COL4A1: variants seen among roughly 807,000 people sequenced by gnomAD.
COL4A1 encodes collagen type IV alpha 1 chain, also known as collagen alpha-1(IV) chain.
In COL4A1, 40 loss-of-function variants were observed where a neutral mutation model predicts 216.6. The observed-to-expected ratio is 0.18, with a 90% CI of 0.14 to 0.24. The LOEUF (loss-of-function observed/expected upper bound fraction) is 0.24, where lower values mean the gene tolerates loss of function less well. COL4A1 is among the 10% of genes least tolerant of loss of function. COL4A1 has a pLI of 1.00. For missense variants in COL4A1, 1,628 were observed against 2,196.8 expected, an observed-to-expected ratio of 0.74 and a Z score of 5.18; for synonymous variants, 839 against 810.7, an observed-to-expected ratio of 1.03 and a Z score of -0.59.
chr13:110,275,917 G>A (rs1292434516), intron 1 of COL4A1, among the ~76,000 whole-genome samples: 1 of 152,166 alleles, frequency 6.6e-6, no homozygotes, highest in Non-Finnish European at 1.5e-5. Flanking sequence ...AGGGGGTAGG[G>A]ATGAATAGGC....
intron 1 of COL4A1, among the ~76,000 whole-genome samples, chr13:110,255,025 G>C (rs537748996): frequency 5.9e-5 from 9 of 152,192 alleles, no homozygotes; most frequent in African/African-American, 2.2e-4. Flanking sequence ...CCCCTACCAC[G>C]CTAAGCCCAT....
In COL4A1 at chr13:110,167,208, A is replaced by T; in HGVS notation, c.3899T>A (p.Ile1300Asn). 1.2e-6 allele frequency: 2 copies of T among 1,614,004 alleles called. No individual in the cohort carries two copies. The highest frequency in any genetic ancestry group is 1.7e-6 in the Non-Finnish European group (2 of 1,179,910). ...CCCCATATCACCCTTAGAGCCTGTG[A>T]TTCCTGGAGAGCCACCAATACCCTA... ...GMPGIGGSPG[I>N]TGSKGDMGPP... Residue 1300 changes from isoleucine to asparagine, a missense_variant, in exon 44 of 52, where the codon ATC (isoleucine) becomes AAC (asparagine). Physicochemically the swap from Ile to Asn is moderately radical, Grantham distance 149. This residue lies in a region of COL4A1 where 345 missense variants were observed against 476.9 expected (regional missense o/e 0.72). Transcript: ENST00000375820.
At chr13:110,176,393 G>A in intron 36 of COL4A1, 31 bp downstream of exon 36, 2 of 1,464,024 alleles carry the variant, frequency 1.4e-6, no homozygotes, top group South Asian at 2.3e-5. Flanking sequence ...ACGCACACAT[G>A]CTAAAGAATC....
intron 1 of COL4A1, among the ~76,000 whole-genome samples, chr13:110,267,629 C>T (rs492560): frequency 0.62 from 94,313 of 151,918 alleles, 30,174 homozygotes; most frequent in East Asian, 0.95. Flanking sequence ...TTCAGTGACA[C>T]GAGTGTAAGA....
At position 110,186,388 on chromosome 13, in the gene COL4A1, G is replaced by A; in HGVS notation, c.1894C>T (p.Pro632Ser). The A allele has an allele frequency of 1.9e-6, 3 of 1,613,154 alleles. No homozygotes were observed. Among genetic ancestry groups the A allele is most frequent in the South Asian group, 1.1e-5 (1 of 91,040 alleles). ...TCACGAGTTTCTCAGGCCTCACCTG[G>A]CAGGCCTGGGGATCCAGGGCCTCCA... ...FPGGPGSPGL[P>S]GPKGEPGKIV... The change falls in exon 26 of 52, where the codon CCA becomes TCA. Residue 632 changes from proline to serine, a missense_variant. Coordinates refer to ENST00000375820, the MANE Select transcript of COL4A1 (RefSeq NM_001845.6).
chr13:110,246,060 A>T (rs1239491475), intron 1 of COL4A1, among the ~76,000 whole-genome samples: 1 of 152,134 alleles, frequency 6.6e-6, no homozygotes, highest in African/African-American at 2.4e-5. Flanking sequence ...AATTAGGGTT[A>T]GCTTTTCAGA....
At chr13:110,192,448 A>G (rs1257232399) in intron 23 of COL4A1, among the ~76,000 whole-genome samples, 164 bp from the exon 24 acceptor site, 2 of 152,208 alleles carry the variant, frequency 1.3e-5, no homozygotes, top group Non-Finnish European at 2.9e-5. Flanking sequence ...GGACTCAGAA[A>G]GGGAATAGGT....
chr13:110,201,760 G>A, intron 18 of COL4A1: 2 of 667,640 alleles, frequency 3.0e-6, no homozygotes, highest in Admixed American at 3.6e-5. Flanking sequence ...GAGGCAGGTG[G>A]ATCACAAGGT....
chr13:110,301,723 C>T (rs1309112735), intron 1 of COL4A1, among the ~76,000 whole-genome samples: 1 of 152,204 alleles, frequency 6.6e-6, no homozygotes, highest in Non-Finnish European at 1.5e-5. Flanking sequence ...GAGGACACTG[C>T]AGGCCGGGGA....
intron 1 of COL4A1, among the ~76,000 whole-genome samples, chr13:110,305,261 G>A (rs1236946506): frequency 2.2e-4 from 34 of 152,172 alleles, no homozygotes; most frequent in Non-Finnish European, 2.2e-4. Flanking sequence ...GACAGTGGCC[G>A]GGAATGTAAT....
intron 5 of COL4A1, 30 bp downstream of exon 5, chr13:110,212,544 A>G (rs1566378918): frequency 6.2e-7 from 1 of 1,614,230 alleles, no homozygotes; most frequent in Admixed American, 1.7e-5. Flanking sequence ...ATATTTCATA[A>G]AAGAAGTAGA....
intron 43 of COL4A1, 64 bp from the exon 44 acceptor site, chr13:110,167,294 C>T (rs563969081): frequency 1.6e-6 from 2 of 1,253,824 alleles, no homozygotes; most frequent in Non-Finnish European, 2.3e-6. Flanking sequence ...CTCCAGTAAC[C>T]TGCTAGTTGG....
Position 110,177,930 on chromosome 13 carries a change from A to T in COL4A1, c.2628T>A (p.Gly876=), listed in dbSNP as rs1275157721. Residue 876 remains glycine, a splice_region_variant and synonymous_variant, in exon 33 of 52, where the codon GGT becomes GGA. Transcript: ENST00000375820. ...QGAPGIPGFP[G]SKGEMGVMGT... is the part of the protein sequence containing the mutation. The stretch of plus-strand genomic sequence containing the variant: ...CCATGACGCCCATTTCTCCCTTGGA[A>T]CCTGTGGCCAAAGGAAAGGACTGTG... The T allele has an allele frequency of 7.4e-6, 12 of 1,613,982 alleles. No homozygotes were observed. Among genetic ancestry groups the T allele is most frequent in the Non-Finnish European group, 9.3e-6 (11 of 1,180,008 alleles).
At chr13:110,196,176 T>A (rs1878880880) in intron 21 of COL4A1, among the ~76,000 whole-genome samples, 1 of 152,176 alleles carries the variant, frequency 6.6e-6, no homozygotes, top group Admixed American at 6.5e-5. Context: ...GCTTTGCTTG[T>A]TGCTTATGTG....
In COL4A1 at chr13:110,174,718, C is replaced by T. The variant is rs1177433437; in HGVS notation, c.3230G>A (p.Ser1077Asn). 4 of 1,613,216 alleles carry T rather than the reference C, an allele frequency of 2.5e-6. No homozygotes were observed. The highest frequency in any genetic ancestry group is 3.4e-6 in the Non-Finnish European group (4 of 1,179,298). Reference protein sequence around the residue: ...GDQGIAGFPGSPGEKGEKGSI... With the variant: ...GDQGIAGFPGNPGEKGEKGSI... ...TCCTTTTTCTCCCTTCTCTCCAGGG[C>T]TTCCTGGGAAACCCGCTATCCCTTG... Residue 1077 changes from serine to asparagine, a missense_variant, in exon 38 of 52, where the codon AGC (serine) becomes AAC (asparagine). Physicochemically the swap from Ser to Asn is conservative, Grantham distance 46 (BLOSUM62 1). Coordinates refer to ENST00000375820, the MANE Select transcript of COL4A1 (RefSeq NM_001845.6).
At chr13:110,252,104 AC>A (rs1882096722) in intron 1 of COL4A1, among the ~76,000 whole-genome samples, 1 of 151,538 alleles carries the variant, frequency 6.6e-6, no homozygotes, top group Admixed American at 6.6e-5. Context: ...ACTCACTGCA[AC>A]CTCCCTCTCC....
chr13:110,149,871 T>C lies in COL4A1; in HGVS notation c.*492A>G, dbSNP rs1450512110. ...GAAGATATGGCTACTGAGTCTGTAA[T>C]TCCATTTGGAGGTTCAAAAAACCAT... is the stretch of plus-strand genomic sequence containing the variant. On this transcript the variant is annotated 3_prime_UTR_variant, in exon 52 of 52. Coordinates refer to ENST00000375820, the MANE Select transcript of COL4A1 (RefSeq NM_001845.6). 2 of 184,166 alleles carry C rather than the reference T, an allele frequency of 1.1e-5. No homozygotes were observed. The highest frequency in any genetic ancestry group is 2.8e-4 in the East Asian group (2 of 7,252). 11.4% of individuals were successfully genotyped at this position (184,166 alleles called of 1,614,324 possible).
At chr13:110,156,154 TCTAACAGTGGCTCTCCTGGAGGGGC>T (rs1349939006) in intron 49 of COL4A1, among the ~76,000 whole-genome samples, 9 of 152,218 alleles carry the variant, frequency 5.9e-5, no homozygotes, top group African/African-American at 2.2e-4. Flanking sequence ...AAGGCAAAGC[TCTAACAGTGGCTCTCCTGGAGGGGC>T]TGGGGTTACA....
At chr13:110,245,116 T>A (rs913815640) in intron 1 of COL4A1, among the ~76,000 whole-genome samples, 24 of 152,098 alleles carry the variant, frequency 1.6e-4, no homozygotes, top group African/African-American at 5.3e-4. Flanking sequence ...AACAGGGAAC[T>A]CGGCAATGAT....
Sources: allele counts gnomAD v4.1 joint callset (sites outside exome capture counted in the v4.1 genomes callset), GRCh38; gene constraint gnomAD v4.1.1; regional missense constraint gnomAD v4.1.1; transcripts MANE v1.5; gene names NCBI Gene and HGNC (gene_info 2026-07-23, HGNC 2026-07-21).